Variants in DOCK10 observed in about 807,000 individuals in gnomAD.
DOCK10 encodes dedicator of cytokinesis protein 10.
Under a neutral mutation model 280.1 loss-of-function variants are expected in DOCK10, and 145 were observed. That is an observed-to-expected ratio of 0.52 (90% CI 0.45 to 0.59). DOCK10 has a LOEUF of 0.59. DOCK10 is among the 20% of genes least tolerant of loss of function. The pLI is 0.00. For synonymous variants in DOCK10, 915 were observed against 942.2 expected, an observed-to-expected ratio of 0.97 and a Z score of 0.53; for missense variants, 2,368 against 2,651.7, an observed-to-expected ratio of 0.89 and a Z score of 2.35.
intron 13 of DOCK10, among the ~76,000 whole-genome samples, chr2:224,863,133 A>G (rs1481993472): frequency 6.6e-6 from 1 of 152,256 alleles, no homozygotes; most frequent in Non-Finnish European, 1.5e-5. Context: ...GTAAAGAGTC[A>G]TATAGTAAAC....
At chr2:224,839,003 C>T (rs1334688814) in intron 24 of DOCK10, among the ~76,000 whole-genome samples, 1 of 152,192 alleles carries the variant, frequency 6.6e-6, no homozygotes, top group Non-Finnish European at 1.5e-5. Context: ...CCCTGCCCCC[C>T]AGCAATTACA....
At chr2:225,019,607 T>C (rs554964977) in intron 1 of DOCK10, among the ~76,000 whole-genome samples, 81 of 152,246 alleles carry the variant, frequency 5.3e-4, no homozygotes, top group African/African-American at 1.9e-3. Flanking sequence ...ATGCCTACTA[T>C]TTTCTCTAAA....
intron 40 of DOCK10, among the ~76,000 whole-genome samples, chr2:224,801,666 A>G (rs1216896418): frequency 6.6e-6 from 1 of 152,150 alleles, no homozygotes; most frequent in Non-Finnish European, 1.5e-5. Context: ...TAACCTGCAC[A>G]ATGCTGAAAG....
intron 3 of DOCK10, among the ~76,000 whole-genome samples, chr2:224,912,095 A>C (rs1701047204): frequency 6.6e-6 from 1 of 152,128 alleles, no homozygotes; most frequent in African/African-American, 2.4e-5. Context: ...AGACAAGTTT[A>C]GGCAACAGGC....
chr2:224,811,019 C>G (rs1487053984), intron 31 of DOCK10, among the ~76,000 whole-genome samples: 1 of 152,084 alleles, frequency 6.6e-6, no homozygotes, highest in African/African-American at 2.4e-5. Flanking sequence ...ATGGCTGGGT[C>G]AAATGGTATT....
chr2:224,859,030 G>T (rs1055307490), intron 14 of DOCK10, among the ~76,000 whole-genome samples: 7 of 152,188 alleles, frequency 4.6e-5, no homozygotes, highest in Admixed American at 2.6e-4. Context: ...GATAGCTGAA[G>T]ATTATTTTGA....
intron 29 of DOCK10, 78 bp downstream of exon 29, chr2:224,819,368 C>A: frequency 1.1e-6 from 1 of 905,830 alleles, no homozygotes; most frequent in Non-Finnish European, 1.7e-6. Context: ...TGGACTTAAG[C>A]AGGTATCCAC....
intron 1 of DOCK10, among the ~76,000 whole-genome samples, chr2:224,946,224 A>G (rs547681127): frequency 1.3e-5 from 2 of 152,372 alleles, no homozygotes; most frequent in Admixed American, 1.3e-4. Context: ...TAATAAGTAC[A>G]GGTTTTCAAG....
chr2:224,819,325 C>G, intron 29 of DOCK10, 121 bp downstream of exon 29: 1 of 576,982 alleles, frequency 1.7e-6, no homozygotes, highest in Non-Finnish European at 2.9e-6. Context: ...GCTGCCTCTC[C>G]TTGGCATAGA....
At chr2:224,960,197 T>C (rs1286652928) in intron 1 of DOCK10, among the ~76,000 whole-genome samples, 2 of 152,188 alleles carry the variant, frequency 1.3e-5, no homozygotes, top group South Asian at 4.1e-4. Flanking sequence ...TTATTGTTAT[T>C]CCTATTGTTC....
chr2:224,770,731 T>C lies in DOCK10; in HGVS notation c.6205-86A>G. 1.0e-6 allele frequency: 1 copy of C among 952,818 alleles called. No individual in the cohort carries two copies. Among genetic ancestry groups the C allele is most frequent in the Non-Finnish European group, 1.7e-6 (1 of 593,948 alleles). 59.0% of individuals were successfully genotyped at this position (952,818 alleles called of 1,614,324 possible). ...TGGAAGAGGAGCAACTGTGCACCAA[T>C]GGTGTGGTACCCCCATCTCACACCC... On this transcript the variant is annotated intron_variant, in intron 53 of 55. Coordinates refer to ENST00000258390, the MANE Select transcript of DOCK10 (RefSeq NM_014689.3). This position sits in a 1 kb window ranked among gnomAD's most constrained non-coding sequence, Gnocchi z 4.5.
At chr2:225,011,832 C>T (rs1053156009) in intron 1 of DOCK10, among the ~76,000 whole-genome samples, 1 of 152,108 alleles carries the variant, frequency 6.6e-6, no homozygotes, top group Non-Finnish European at 1.5e-5. Context: ...TTAGCTACAG[C>T]GTAAGCCGAA....
At chr2:224,780,600 A>G (rs1691254979) in intron 50 of DOCK10, among the ~76,000 whole-genome samples, 1 of 152,120 alleles carries the variant, frequency 6.6e-6, no homozygotes, top group African/African-American at 2.4e-5. Context: ...GGTGGGAGGC[A>G]GGTAAAAATT....
chr2:224,920,950 C>G (rs1701669121), intron 2 of DOCK10, among the ~76,000 whole-genome samples: 1 of 150,682 alleles, frequency 6.6e-6, no homozygotes, highest in South Asian at 2.1e-4. Context: ...GATCACTGCT[C>G]TGTGACATAA....
intron 26 of DOCK10, among the ~76,000 whole-genome samples, chr2:224,832,391 A>T (rs1695295034): frequency 6.6e-6 from 1 of 152,200 alleles, no homozygotes; most frequent in African/African-American, 2.4e-5. Flanking sequence ...ATCACCATGT[A>T]CTTATCTGCT....
chr2:224,935,766 G>A (rs1259833931), intron 1 of DOCK10, among the ~76,000 whole-genome samples: 1 of 152,150 alleles, frequency 6.6e-6, no homozygotes, highest in Non-Finnish European at 1.5e-5. Context: ...TAAAGCATCA[G>A]TATTATAAAT....
intron 29 of DOCK10, among the ~76,000 whole-genome samples, chr2:224,817,919 A>G (rs561496323): frequency 1.8e-4 from 27 of 152,340 alleles, no homozygotes; most frequent in African/African-American, 6.3e-4. Flanking sequence ...AAATACCTAG[A>G]TAATTTCCCC....
chr2:224,991,914 C>T (rs991332478), intron 1 of DOCK10, among the ~76,000 whole-genome samples: 1 of 152,150 alleles, frequency 6.6e-6, no homozygotes, highest in Non-Finnish European at 1.5e-5. Flanking sequence ...GCATCAATCA[C>T]TGATGTTTGG....
chr2:225,011,533 T>C (rs921081158), intron 1 of DOCK10, among the ~76,000 whole-genome samples: 15 of 152,228 alleles, frequency 9.9e-5, no homozygotes, highest in Non-Finnish European at 8.8e-5. Context: ...AGGACATACA[T>C]GGCTTTCTTA....
Sources: allele counts gnomAD v4.1 joint callset (sites outside exome capture counted in the v4.1 genomes callset), GRCh38; gene constraint gnomAD v4.1.1; non-coding constraint Gnocchi (gnomAD v3.1); transcripts MANE v1.5; gene names NCBI Gene and HGNC (gene_info 2026-07-23, HGNC 2026-07-21).